The following TUSC3 variants were observed in gnomAD, a reference collection of about 807,000 sequenced individuals.
TUSC3 encodes dolichyl-diphosphooligosaccharide--protein glycosyltransferase subunit TUSC3.
In TUSC3, 45 loss-of-function variants were observed where a neutral mutation model predicts 44.8. That is an observed-to-expected ratio of 1.00 (90% CI 0.79 to 1.29). The LOEUF is 1.29. TUSC3 is among the 50% of genes most tolerant of loss of function. TUSC3 has a pLI of 0.00. For synonymous variants in TUSC3, 212 were observed against 152.9 expected (o/e 1.39, Z -2.85); for missense variants, 519 against 437.9 (o/e 1.19, Z -1.65).
chr8:15,695,023 G>A (rs1007218264), intron 6 of TUSC3, among the ~76,000 whole-genome samples: 2 of 152,212 alleles, frequency 1.3e-5, no homozygotes, highest in African/African-American at 4.8e-5. Context: ...AGCAGGGGCA[G>A]AGATCTTTTG....
chr8:15,750,651 A>G (rs1026677275), intron 9 of TUSC3, among the ~76,000 whole-genome samples: 1 of 152,122 alleles, frequency 6.6e-6, no homozygotes, highest in Non-Finnish European at 1.5e-5. Context: ...TTTGGAAAAT[A>G]CATATCCTTG....
At chr8:15,783,388 G>A in the TUSC3 span, among the ~76,000 whole-genome samples, 9 of 152,188 alleles carry the variant, frequency 5.9e-5, no homozygotes, top group East Asian at 1.7e-3. Flanking sequence ...AAATGTATAT[G>A]GAAGCACAGA....
At chr8:15,743,003 T>C (rs893700134) in intron 7 of TUSC3, among the ~76,000 whole-genome samples, 1 of 152,248 alleles carries the variant, frequency 6.6e-6, no homozygotes, top group Non-Finnish European at 1.5e-5. Context: ...GCTAGATTCA[T>C]TAAATTGTTT....
chr8:15,670,796 A>C (rs188429655), intron 5 of TUSC3, among the ~76,000 whole-genome samples: 1 of 152,072 alleles, frequency 6.6e-6, no homozygotes, highest in African/African-American at 2.4e-5. Context: ...GTGTATATTT[A>C]ACAAAGAACT....
chr8:15,848,649 A>C, the TUSC3 span, among the ~76,000 whole-genome samples: 9 of 152,182 alleles, frequency 5.9e-5, no homozygotes, highest in African/African-American at 2.2e-4. Flanking sequence ...GACTCAGACA[A>C]AGTGGTAACC....
chr8:15,742,444 A>G (rs1304268844), intron 7 of TUSC3, among the ~76,000 whole-genome samples: 2 of 152,214 alleles, frequency 1.3e-5, no homozygotes, highest in African/African-American at 4.8e-5. Flanking sequence ...GACAGATTCA[A>G]ATATGAACAT....
At chr8:15,587,964 G>T (rs536594315) in intron 1 of TUSC3, among the ~76,000 whole-genome samples, 3 of 151,982 alleles carry the variant, frequency 2.0e-5, no homozygotes, top group Non-Finnish European at 2.9e-5. Flanking sequence ...CCGTTTATCT[G>T]TTGGTAGACA....
chr8:15,742,489 G>C (rs1811237140), intron 7 of TUSC3, among the ~76,000 whole-genome samples: 1 of 152,076 alleles, frequency 6.6e-6, no homozygotes. Context: ...TCAATAATAT[G>C]GTTATAAAAA....
intron 2 of TUSC3, among the ~76,000 whole-genome samples, chr8:15,515,063 C>T (rs912886471): frequency 9.2e-5 from 14 of 151,866 alleles, no homozygotes; most frequent in East Asian, 5.8e-4. Context: ...TCTTTTCCAC[C>T]GATGGAAAAG....
intron 1 of TUSC3, among the ~76,000 whole-genome samples, chr8:15,570,295 C>G (rs1400095933): frequency 6.6e-6 from 1 of 151,776 alleles, no homozygotes; most frequent in African/African-American, 2.4e-5. Flanking sequence ...CACACACACA[C>G]ACACACACTC....
In TUSC3 at chr8:15,605,501, G is replaced by C. The variant is rs536309461; in HGVS notation, c.139-17579G>C. The stretch of plus-strand genomic sequence containing the variant: ...GAACAACATGGGTATGAATTGCGTG[G>C]GTCTATTTATACATAGATTTTTTTC... On this transcript the variant is annotated intron_variant, in intron 1 of 10. Transcript: ENST00000503731. Among the ~76,000 whole-genome samples, 9 of 151,404 alleles carry C rather than the reference G, an allele frequency of 5.9e-5. No homozygotes were observed. In the South Asian group the frequency reaches 1.9e-3, roughly 32 times the overall value.
At chr8:15,457,422 C>G (rs1204287242) in intron 1 of TUSC3, among the ~76,000 whole-genome samples, 2 of 151,558 alleles carry the variant, frequency 1.3e-5, no homozygotes, top group East Asian at 1.9e-4. Flanking sequence ...AAATACAAAT[C>G]AAGACCATGA....
intron 6 of TUSC3, among the ~76,000 whole-genome samples, chr8:15,727,597 G>A (rs1269781238): frequency 1.3e-5 from 2 of 152,052 alleles, no homozygotes; most frequent in Non-Finnish European, 2.9e-5. Flanking sequence ...AAAAAAAGAA[G>A]TACAAAAGTC....
chr8:15,476,894 G>A (rs531357478), intron 1 of TUSC3, among the ~76,000 whole-genome samples: 2 of 152,150 alleles, frequency 1.3e-5, no homozygotes, highest in Admixed American at 6.5e-5. Context: ...AGTTACAAAG[G>A]TTACACCCTA....
intron 7 of TUSC3, among the ~76,000 whole-genome samples, chr8:15,731,812 T>G (rs1008535581): frequency 6.6e-6 from 1 of 152,208 alleles, no homozygotes; most frequent in Non-Finnish European, 1.5e-5. Flanking sequence ...TAACAATGCA[T>G]TTTTAAAAAT....
intron 6 of TUSC3, among the ~76,000 whole-genome samples, chr8:15,691,807 C>A (rs376064297): frequency 7.2e-6 from 1 of 138,740 alleles, no homozygotes; most frequent in Non-Finnish European, 1.6e-5. Flanking sequence ...TTGAGACAGT[C>A]TCGCTCTGTT....
chr8:15,731,756 T>C (rs1810733414), intron 7 of TUSC3, among the ~76,000 whole-genome samples: 5 of 152,158 alleles, frequency 3.3e-5, no homozygotes, highest in Admixed American at 3.3e-4. Context: ...AATACTATCT[T>C]TTTAACAACA....
chr8:15,620,445 AT>A (rs924149936), intron 1 of TUSC3, among the ~76,000 whole-genome samples: 5 of 152,014 alleles, frequency 3.3e-5, no homozygotes, highest in Admixed American at 3.3e-4. Flanking sequence ...TTTTACATTG[AT>A]TTTTTTTAGT....
chr8:15,462,038 ACCC>A (rs1191413246), intron 1 of TUSC3, among the ~76,000 whole-genome samples: 1 of 152,012 alleles, frequency 6.6e-6, no homozygotes, highest in East Asian at 1.9e-4. Context: ...AAGTCATAAG[ACCC>A]CTGGATTCTG....
Sources: allele counts gnomAD v4.1 joint callset (sites outside exome capture counted in the v4.1 genomes callset), GRCh38; gene constraint gnomAD v4.1.1; transcripts MANE v1.5; gene names NCBI Gene and HGNC (gene_info 2026-07-23, HGNC 2026-07-21).